PDE4DIP: variants seen among roughly 807,000 people sequenced by gnomAD.
The protein encoded by PDE4DIP is phosphodiesterase 4D interacting protein.
A neutral mutation model predicts 221.4 loss-of-function variants in PDE4DIP; 59 were observed. The observed-to-expected ratio is 0.27, with a 90% CI of 0.22 to 0.33. The LOEUF is 0.33. Among genes scored for constraint, PDE4DIP ranks in the 10% least tolerant of loss-of-function variants. The pLI is 1.00. For synonymous variants in PDE4DIP, 404 were observed against 815.9 expected, an observed-to-expected ratio of 0.50 and a Z score of 8.60; for missense variants, 1,036 against 2,154.2, an observed-to-expected ratio of 0.48 and a Z score of 10.28.
intron 23 of PDE4DIP, 134 bp downstream of exon 26, chr1:148,998,509 T>A (rs1291485405): frequency 3.6e-6 from 2 of 558,412 alleles, no homozygotes; most frequent in East Asian, 2.8e-5. Flanking sequence ...TGGCTAATGG[T>A]AATCACTTTC....
chr1:148,925,621 C>G (rs1553465279), intron 1 of PDE4DIP, among the ~76,000 whole-genome samples: 1 of 151,744 alleles, frequency 6.6e-6, no homozygotes. Context: ...AAGTATTTTT[C>G]CTGGTAAGGC....
chr1:149,010,200 G>T (rs1474988660), intron 30 of PDE4DIP, among the ~76,000 whole-genome samples: 5 of 152,136 alleles, frequency 3.3e-5, no homozygotes, highest in African/African-American at 1.2e-4. Flanking sequence ...AGTCTTGCCT[G>T]ATATTTTTGG....
chr1:148,936,788 G>A (rs587618683), intron 4 of PDE4DIP, among the ~76,000 whole-genome samples: 1 of 151,668 alleles, frequency 6.6e-6, no homozygotes, highest in African/African-American at 2.4e-5. Flanking sequence ...GGCCTACACA[G>A]TGTCAGGATC....
chr1:149,015,625 C>T (rs1553609828), intron 32 of PDE4DIP, among the ~76,000 whole-genome samples: 1 of 151,732 alleles, frequency 6.6e-6, no homozygotes, highest in Admixed American at 6.6e-5. Context: ...ATGAAAGGTC[C>T]TACCTGCCTC....
At chr1:148,979,547 A>G (rs587669920) in intron 19 of PDE4DIP, among the ~76,000 whole-genome samples, 190 bp from the exon 23 acceptor site, 6 of 152,116 alleles carry the variant, frequency 3.9e-5, no homozygotes, top group Admixed American at 1.3e-4. Flanking sequence ...TTTGAATTCC[A>G]CCTTACAGGT....
At chr1:148,970,555 T>C (rs1196535214) in intron 14 of PDE4DIP, among the ~76,000 whole-genome samples, 1 of 150,674 alleles carries the variant, frequency 6.6e-6, no homozygotes, top group East Asian at 2.0e-4. Flanking sequence ...CCTGAATAGC[T>C]TTTTAAAGAT....
At chr1:149,001,008 T>C (rs646802) in intron 23 of PDE4DIP, among the ~76,000 whole-genome samples, 58,007 of 131,972 alleles carry the variant, frequency 0.44, 11,639 homozygotes, top group East Asian at 0.6. Flanking sequence ...CTTGTGTAGG[T>C]ACTGGGGATA....
chr1:148,816,410 AG>A (rs1265042548), intron 1 of PDE4DIP, among the ~76,000 whole-genome samples: 2 of 152,140 alleles, frequency 1.3e-5, no homozygotes, highest in South Asian at 2.1e-4. Flanking sequence ...ACAGTGTACA[AG>A]GGTTTCAGTT....
intron 1 of PDE4DIP, among the ~76,000 whole-genome samples, chr1:148,830,399 A>T (rs1241195266): frequency 1.1e-4 from 7 of 64,610 alleles, no homozygotes; most frequent in African/African-American, 4.0e-4. Flanking sequence ...ATTCCACTCC[A>T]GCTACTGAAG....
intron 1 of PDE4DIP, among the ~76,000 whole-genome samples, chr1:148,893,165 T>C (rs1699407981): frequency 1.4e-5 from 2 of 141,848 alleles, no homozygotes; most frequent in Admixed American, 1.4e-4. Flanking sequence ...TTGCCCAGGC[T>C]GGTCTCAAAT....
At chr1:148,937,620 G>A (rs2049503959) in intron 4 of PDE4DIP, 127 bp from the exon 8 acceptor site, 20 of 597,636 alleles carry the variant, frequency 3.3e-5, no homozygotes, top group Middle Eastern at 4.4e-4. Context: ...TGTGTCAAAA[G>A]GTTCAATGAT....
intron 21 of PDE4DIP, among the ~76,000 whole-genome samples, chr1:148,988,209 A>G (rs1196741221): frequency 1.3e-5 from 2 of 151,870 alleles, no homozygotes; most frequent in Non-Finnish European, 2.9e-5. Flanking sequence ...TGCTGATGCT[A>G]TTTAGGTTCT....
At chr1:149,009,818 A>C in intron 30 of PDE4DIP, 27 bp downstream of exon 33, 2 of 1,443,346 alleles carry the variant, frequency 1.4e-6, no homozygotes, top group South Asian at 2.3e-5. Flanking sequence ...GGGTGGTACC[A>C]TCTTTGTCTA....
intron 17 of PDE4DIP, among the ~76,000 whole-genome samples, chr1:148,975,154 A>G (rs1424269774): frequency 1.3e-5 from 2 of 148,692 alleles, no homozygotes; most frequent in African/African-American, 5.0e-5. Context: ...CTGGGCAACA[A>G]GAGCAAAACT....
intron 16 of PDE4DIP, among the ~76,000 whole-genome samples, chr1:148,973,430 G>C: frequency 2.0e-5 from 3 of 151,164 alleles, no homozygotes; most frequent in Non-Finnish European, 4.4e-5. Context: ...GCGCCCAGCC[G>C]CTTCTAGGCC....
intron 37 of PDE4DIP, 137 bp downstream of exon 40, chr1:149,021,290 C>T (rs1214515378): frequency 2.9e-6 from 2 of 684,754 alleles, no homozygotes; most frequent in Non-Finnish European, 5.0e-6. Context: ...GAGCCTGGGG[C>T]TCCCAGTAGG....
intron 9 of PDE4DIP, among the ~76,000 whole-genome samples, chr1:148,963,353 G>A (rs1275860302): frequency 6.6e-5 from 10 of 152,210 alleles, no homozygotes; most frequent in African/African-American, 1.2e-4. Context: ...GGTAAGGGGC[G>A]ACTGCCGTAT....
intron 1 of PDE4DIP, among the ~76,000 whole-genome samples, chr1:148,838,760 C>T (rs1674258421): frequency 2.2e-5 from 2 of 91,752 alleles, no homozygotes; most frequent in South Asian, 5.0e-4. Flanking sequence ...CAGATCCTCC[C>T]ATTCATTGGG....
chr1:149,010,381 A>G (rs1575322466), intron 30 of PDE4DIP, 62 bp from the exon 34 acceptor site: 4 of 1,503,216 alleles, frequency 2.7e-6, no homozygotes, highest in East Asian at 2.3e-5. Flanking sequence ...GGTAAACATA[A>G]GGCCAGGATT....
Sources: allele counts gnomAD v4.1 joint callset (sites outside exome capture counted in the v4.1 genomes callset), GRCh38; gene constraint gnomAD v4.1.1; transcripts MANE v1.5; gene names NCBI Gene and HGNC (gene_info 2026-07-23, HGNC 2026-07-21).